The following EML6 variants were observed in gnomAD, a reference collection of about 807,000 sequenced individuals.
The protein encoded by EML6 is echinoderm microtubule-associated protein-like 6.
EML6 carries 154 observed loss-of-function variants against 240.1 expected under a neutral mutation model. The ratio of observed to expected loss-of-function variants is 0.64; its 90% CI spans 0.56 to 0.73. EML6 has a LOEUF of 0.73. Ranked by LOEUF, EML6 falls within the 30% of genes least tolerant of loss-of-function variation. The pLI, the probability that EML6 is intolerant of heterozygous loss-of-function variation, is 0.00. For missense variants in EML6, 2,964 were observed against 2,474.6 expected (o/e 1.20, Z -4.20); for synonymous variants, 1,148 against 899.0 (o/e 1.28, Z -4.95).
intron 2 of EML6, among the ~76,000 whole-genome samples, chr2:54,799,327 C>G (rs565763497): frequency 1.3e-5 from 2 of 152,134 alleles, no homozygotes; most frequent in Middle Eastern, 3.4e-3. Context: ...TCTCAAAGTG[C>G]TGGGATTACA....
At chr2:54,810,432 A>G (rs1362441078) in intron 2 of EML6, among the ~76,000 whole-genome samples, 2 of 152,238 alleles carry the variant, frequency 1.3e-5, no homozygotes, top group African/African-American at 2.4e-5. Context: ...AAGAACTGCA[A>G]TAAATCAGGA....
intron 16 of EML6, among the ~76,000 whole-genome samples, chr2:54,875,991 TAG>T (rs1028974903): frequency 6.6e-6 from 1 of 152,232 alleles, no homozygotes; most frequent in African/African-American, 2.4e-5. Flanking sequence ...GAGTCCTGAA[TAG>T]AGAGACCAAC....
intron 2 of EML6, among the ~76,000 whole-genome samples, chr2:54,801,846 G>C (rs1369245977): frequency 6.6e-6 from 1 of 152,164 alleles, no homozygotes; most frequent in East Asian, 1.9e-4. Context: ...TTCTCAGAAT[G>C]GCACTTTTAA....
rs537549792 is a variant in EML6 at position 54,964,645 on chromosome 2, G to A, written c.5405G>A (p.Gly1802Asp). 1.9e-6 allele frequency: 3 copies of A among 1,552,352 alleles called. No homozygotes were observed. Among genetic ancestry groups the A allele is most frequent in the East Asian group, 2.4e-5 (1 of 40,926 alleles). Residue 1802 changes from glycine (G) to aspartate (D), a missense_variant, in exon 38 of 42, where the codon GGC becomes GAC. Gly to Asp is a moderately conservative substitution (Grantham distance 94). Coordinates refer to ENST00000356458, the MANE Select transcript of EML6 (RefSeq NM_001039753.4). ...HTVDFYDLTQ[G>D]TNLNRIGYCK... ...GTTGACTTCTATGACCTCACTCAGGGCACAAATCTGAACCGCATTGGCTAC... is the reference window on the plus strand; with the variant it reads ...GTTGACTTCTATGACCTCACTCAGGACACAAATCTGAACCGCATTGGCTAC...
chr2:54,782,587 C>T (rs1668898891), intron 2 of EML6, among the ~76,000 whole-genome samples: 1 of 151,812 alleles, frequency 6.6e-6, no homozygotes, highest in South Asian at 2.1e-4. Flanking sequence ...TATGACTTCT[C>T]AGTTTTTTGT....
rs775002260 is a variant in EML6 at position 54,903,085 on chromosome 2, G to A, written c.3166G>A (p.Ala1056Thr). ...CTTTTCCCCTGATGGGAAAGCCTTA[G>A]CGGTTGGCTTGAACGATGGGAGTTT... is the stretch of plus-strand genomic sequence containing the variant. Reference protein sequence around the residue: ...CAFSPDGKALAVGLNDGSFLV... With the variant: ...CAFSPDGKALTVGLNDGSFLV... The change falls in exon 23 of 42, where the codon GCG becomes ACG. Residue 1056 changes from alanine (A) to threonine (T), a missense_variant. Physicochemically the swap from Ala to Thr is moderately conservative, Grantham distance 58 (BLOSUM62 0). Transcript: ENST00000356458. The A allele has an allele frequency of 1.3e-6, 2 of 1,551,822 alleles. No individual in the cohort carries two copies. Among genetic ancestry groups the A allele is most frequent in the Admixed American group, 3.9e-5 (2 of 51,008 alleles).
At chr2:54,923,121 G>A (rs1286068723) in intron 26 of EML6, among the ~76,000 whole-genome samples, 1 of 151,438 alleles carries the variant, frequency 6.6e-6, no homozygotes, top group Non-Finnish European at 1.5e-5. Flanking sequence ...TTGTAATTTT[G>A]GTAGAGATGG....
intron 2 of EML6, among the ~76,000 whole-genome samples, chr2:54,741,537 A>G (rs528867739): frequency 1.3e-5 from 2 of 152,308 alleles, no homozygotes; most frequent in Admixed American, 1.3e-4. Context: ...CATGACTAGC[A>G]CCAAGAATTC....
At chr2:54,845,225 A>G (rs1669684295) in intron 8 of EML6, among the ~76,000 whole-genome samples, 1 of 152,258 alleles carries the variant, frequency 6.6e-6, no homozygotes, top group African/African-American at 2.4e-5. Flanking sequence ...GAGAAAAACT[A>G]AAACAACTGT....
chr2:54,843,931 G>GTATCC, intron 7 of EML6, 116 bp from the exon 8 acceptor site: 1 of 753,740 alleles, frequency 1.3e-6, no homozygotes, highest in African/African-American at 1.8e-5. Flanking sequence ...ACATTTGATG[G>GTATCC]TATCCTGGTT....
At chr2:54,948,152 T>C (rs988092635) in intron 28 of EML6, among the ~76,000 whole-genome samples, 1 of 152,174 alleles carries the variant, frequency 6.6e-6, no homozygotes, top group African/African-American at 2.4e-5. Flanking sequence ...AGAACTGGCG[T>C]ACTCCTCTAG....
rs1273212051 is a variant in EML6 at position 54,954,134 on chromosome 2, C to G, written c.4464C>G (p.Ile1488Met). ...TGGGAGTGGACCCTGAGCACACCAT[C>G]ACTGTCTGGCGATGGCAGGAAGGTA... ...VSVGVDPEHT[I>M]TVWRWQEGAK... Residue 1488 changes from isoleucine (I) to methionine (M), a missense_variant, in exon 32 of 42, where the codon ATC becomes ATG. Ile to Met is a conservative substitution (Grantham distance 10, BLOSUM62 1). Coordinates refer to ENST00000356458, the MANE Select transcript of EML6 (RefSeq NM_001039753.4). 1.3e-6 allele frequency: 2 copies of G among 1,551,336 alleles called. No individual in the cohort carries two copies. Among genetic ancestry groups the G allele is most frequent in the Non-Finnish European group, 1.7e-6 (2 of 1,146,814 alleles).
chr2:54,749,743 T>C (rs1684073588), intron 2 of EML6, among the ~76,000 whole-genome samples: 1 of 152,162 alleles, frequency 6.6e-6, no homozygotes, highest in East Asian at 1.9e-4. Flanking sequence ...ATCCAGCTAG[T>C]AGCTGTCAAA....
In EML6 at chr2:54,866,762, T is replaced by G; in HGVS notation, c.1933-4T>G. The G allele has an allele frequency of 2.0e-6, 3 of 1,535,036 alleles. No individual in the cohort carries two copies. Among genetic ancestry groups the G allele is most frequent in the East Asian group, 2.5e-5 (1 of 40,812 alleles). ...TCACCCAGATGTTTCTGTTGTACTT[T>G]AAGGTTTACAAAGAAGATCTACCTC... On this transcript the variant is annotated splice_region_variant and splice_polypyrimidine_tract_variant and intron_variant, in intron 13 of 41. Coordinates refer to ENST00000356458, the MANE Select transcript of EML6 (RefSeq NM_001039753.4).
intron 2 of EML6, among the ~76,000 whole-genome samples, chr2:54,729,497 C>T (rs1377995988): frequency 6.6e-6 from 1 of 152,214 alleles, no homozygotes; most frequent in African/African-American, 2.4e-5. Context: ...CTGATCCACC[C>T]TCTCACAGTC....
At chr2:54,735,645 G>A (rs1683354775) in intron 2 of EML6, among the ~76,000 whole-genome samples, 2 of 152,172 alleles carry the variant, frequency 1.3e-5, no homozygotes, top group Admixed American at 1.3e-4. Flanking sequence ...CTGGAATATG[G>A]CCATGGCCCT....
chr2:54,813,715 G>C (rs891192819), intron 3 of EML6, among the ~76,000 whole-genome samples: 1 of 152,162 alleles, frequency 6.6e-6, no homozygotes, highest in South Asian at 2.1e-4. Flanking sequence ...TTTGGAGTAA[G>C]GGCTAGACCA....
At chr2:54,814,105 A>T (rs969659947) in intron 3 of EML6, among the ~76,000 whole-genome samples, 1 of 152,360 alleles carries the variant, frequency 6.6e-6, no homozygotes, top group East Asian at 1.9e-4. Flanking sequence ...GGAGTACTCA[A>T]TGAATAAAGT....
chr2:54,813,769 C>T (rs112398446), intron 3 of EML6, among the ~76,000 whole-genome samples: 10 of 152,316 alleles, frequency 6.6e-5, no homozygotes, highest in African/African-American at 2.4e-4. Flanking sequence ...TCTGTAGTAC[C>T]TCTTGCTTTC....
Sources: gnomAD v4.1 joint callset for allele counts (sites outside exome capture counted in the v4.1 genomes callset) on GRCh38, gnomAD v4.1.1 for gene constraint, MANE v1.5 for transcripts, NCBI Gene and HGNC (gene_info 2026-07-23, HGNC 2026-07-21) for gene names.